Variants in MACROD2 observed in about 807,000 individuals in gnomAD.
The protein encoded by MACROD2 is ADP-ribose glycohydrolase MACROD2.
In MACROD2, 36 loss-of-function variants were observed where a neutral mutation model predicts 70.4. That is an observed-to-expected ratio of 0.51 (90% confidence interval 0.39 to 0.68). The LOEUF is 0.68. Among genes scored for constraint, MACROD2 ranks in the 30% least tolerant of loss-of-function variants. The pLI, the probability that MACROD2 is intolerant of heterozygous loss-of-function variation, is 0.00. For missense variants in MACROD2, 496 were observed against 538.4 expected (o/e 0.92, Z 0.78); for synonymous variants, 172 against 178.8 (o/e 0.96, Z 0.30).
At chr20:14,108,959 TAC>T (rs1349384405) in intron 3 of MACROD2, among the ~76,000 whole-genome samples, 3 of 152,048 alleles carry the variant, frequency 2.0e-5, no homozygotes, top group Non-Finnish European at 2.9e-5. Flanking sequence ...GTCTGCAGAA[TAC>T]ACAGTCTTTT....
intron 3 of MACROD2, among the ~76,000 whole-genome samples, chr20:14,486,524 AT>A (rs3044661): frequency 1.6e-5 from 2 of 128,562 alleles, no homozygotes; most frequent in African/African-American, 5.8e-5. Flanking sequence ...TTTTTATTTT[AT>A]TTTTTTTTTT....
chr20:15,949,554 G>C (rs1369962646), intron 12 of MACROD2, among the ~76,000 whole-genome samples: 2 of 152,158 alleles, frequency 1.3e-5, no homozygotes, highest in Non-Finnish European at 2.9e-5. Context: ...AACTATGCCA[G>C]CAAGCAGAAA....
At chr20:14,181,035 A>C (rs1280903403) in intron 3 of MACROD2, among the ~76,000 whole-genome samples, 3 of 150,852 alleles carry the variant, frequency 2.0e-5, no homozygotes, top group Non-Finnish European at 4.4e-5. Context: ...CAGTTAATTA[A>C]TTTTGTTAGT....
intron 3 of MACROD2, among the ~76,000 whole-genome samples, chr20:14,198,261 G>A (rs1352088337): frequency 6.6e-6 from 1 of 152,094 alleles, no homozygotes; most frequent in Non-Finnish European, 1.5e-5. Flanking sequence ...GGAGATGCTG[G>A]TAATTTGATA....
intron 3 of MACROD2, among the ~76,000 whole-genome samples, chr20:14,428,842 T>G (rs1254074801): frequency 6.6e-6 from 1 of 152,182 alleles, no homozygotes; most frequent in East Asian, 1.9e-4. Flanking sequence ...GATTTTTTAT[T>G]GTATAGCCGA....
At chr20:16,034,326 C>T (rs1213771095) in intron 15 of MACROD2, among the ~76,000 whole-genome samples, 3 of 152,096 alleles carry the variant, frequency 2.0e-5, no homozygotes, top group Middle Eastern at 3.4e-3. Flanking sequence ...GATATTGACG[C>T]TGTGTTATTC....
At chr20:14,311,707 G>A (rs1182968456) in intron 3 of MACROD2, among the ~76,000 whole-genome samples, 1 of 151,824 alleles carries the variant, frequency 6.6e-6, no homozygotes, top group African/African-American at 2.4e-5. Flanking sequence ...TAGTAGAGAC[G>A]GGGTTTCACC....
intron 8 of MACROD2, among the ~76,000 whole-genome samples, chr20:15,736,697 G>A (rs1306982450): frequency 6.6e-6 from 1 of 152,204 alleles, no homozygotes; most frequent in African/African-American, 2.4e-5. Flanking sequence ...GGTTCTGCAT[G>A]TGTGGATTCA....
At chr20:15,636,097 GA>G (rs1168657046) in intron 8 of MACROD2, among the ~76,000 whole-genome samples, 12 of 70,562 alleles carry the variant, frequency 1.7e-4, no homozygotes, top group Non-Finnish European at 2.5e-4. Context: ...AAAAAAGAAA[GA>G]AAAGAAAAGA....
chr20:14,844,350 C>A (rs184907749), intron 5 of MACROD2, among the ~76,000 whole-genome samples: 4 of 151,738 alleles, frequency 2.6e-5, no homozygotes, highest in African/African-American at 9.7e-5. Context: ...CTCATCTCTA[C>A]TAAAAGTACA....
chr20:14,955,996 T>C (rs1487886766), intron 5 of MACROD2, among the ~76,000 whole-genome samples: 1 of 152,024 alleles, frequency 6.6e-6, no homozygotes, highest in Non-Finnish European at 1.5e-5. Flanking sequence ...GAATTCTTAC[T>C]GTTTAGCTGA....
At chr20:14,867,646 C>T (rs1001390212) in intron 5 of MACROD2, among the ~76,000 whole-genome samples, 1 of 152,078 alleles carries the variant, frequency 6.6e-6, no homozygotes, top group South Asian at 2.1e-4. Flanking sequence ...TTACTTCCAG[C>T]GGTAATTACA....
chr20:14,052,306 A>G (rs1466968138), intron 2 of MACROD2, among the ~76,000 whole-genome samples: 1 of 152,194 alleles, frequency 6.6e-6, no homozygotes, highest in Non-Finnish European at 1.5e-5. Flanking sequence ...ATGATTCATC[A>G]GGAACATTTA....
At chr20:14,933,637 T>TA (rs11481730) in intron 5 of MACROD2, among the ~76,000 whole-genome samples, 59,863 of 147,534 alleles carry the variant, frequency 0.41, 11,978 homozygotes, top group East Asian at 0.53. Context: ...CTCAAAAAAA[T>TA]AAAAAAAAAA....
intron 5 of MACROD2, among the ~76,000 whole-genome samples, chr20:15,137,344 T>A (rs2076157007): frequency 6.6e-6 from 1 of 151,720 alleles, no homozygotes; most frequent in Admixed American, 6.6e-5. Context: ...ATTAAGAAAA[T>A]GTGGCACATA....
chr20:14,013,883 T>C (rs983078961), intron 2 of MACROD2, among the ~76,000 whole-genome samples: 1 of 152,046 alleles, frequency 6.6e-6, no homozygotes, highest in East Asian at 1.9e-4. Flanking sequence ...GGTTTCACGA[T>C]GTTGGCCAGG....
intron 6 of MACROD2, among the ~76,000 whole-genome samples, chr20:15,302,379 C>CG (rs1555802616): frequency 9.1e-5 from 7 of 76,846 alleles, no homozygotes; most frequent in Non-Finnish European, 1.3e-4. Context: ...CACACACACA[C>CG]ACATACACAC....
At chr20:14,649,634 T>C (rs1442222307) in intron 4 of MACROD2, among the ~76,000 whole-genome samples, 1 of 152,134 alleles carries the variant, frequency 6.6e-6, no homozygotes, top group Non-Finnish European at 1.5e-5. Flanking sequence ...AGCTTGGTCA[T>C]GGGGCTGGCC....
intron 4 of MACROD2, among the ~76,000 whole-genome samples, chr20:14,659,854 C>A (rs1206968733): frequency 6.6e-6 from 1 of 152,090 alleles, no homozygotes; most frequent in Non-Finnish European, 1.5e-5. Flanking sequence ...CTTCTAATAA[C>A]CTTCTAAACG....
Sources: gnomAD v4.1 joint callset for allele counts (sites outside exome capture counted in the v4.1 genomes callset) on GRCh38, gnomAD v4.1.1 for gene constraint, MANE v1.5 for transcripts, NCBI Gene and HGNC (gene_info 2026-07-23, HGNC 2026-07-21) for gene names.